PDE4B: variants seen among roughly 807,000 people sequenced by gnomAD.
PDE4B encodes the protein 3',5'-cyclic-AMP phosphodiesterase 4B.
A neutral mutation model predicts 82.2 loss-of-function variants in PDE4B; 20 were observed. The ratio of observed to expected loss-of-function variants is 0.24; its 90% CI spans 0.17 to 0.35. PDE4B has a LOEUF of 0.35. Among genes scored for constraint, PDE4B ranks in the 10% least tolerant of loss-of-function variants. The probability of loss-of-function intolerance (pLI) is 1.00; values close to 1 mark genes in which losing one functional copy is unlikely to be tolerated. For missense variants in PDE4B, 655 were observed against 907.2 expected (o/e 0.72, Z 3.57); for synonymous variants, 320 against 318.9 (o/e 1.00, Z -0.04).
In PDE4B at chr1:66,358,440, C is replaced by T. The variant is rs190100267; in HGVS notation, c.841+2820C>T. Reference sequence around the variant, plus strand: ...CTGTAATCCCAGCACGTTCAGAGGCCGAGATGGGCAGATCACCTGAGGTCA... The same window carrying T: ...CTGTAATCCCAGCACGTTCAGAGGCTGAGATGGGCAGATCACCTGAGGTCA... On this transcript the variant is annotated intron_variant, in intron 9 of 16. Transcript: ENST00000341517. Among the ~76,000 whole-genome samples, 208 of 152,160 alleles carry T rather than the reference C, an allele frequency of 1.4e-3. 3 individuals are homozygous for T. In the South Asian group the frequency reaches 0.019, roughly 14 times the overall value.
rs57275063 is a variant in PDE4B at position 65,928,876 on chromosome 1, A to G, written c.281+10041A>G. Among the ~76,000 whole-genome samples the G allele has an allele frequency of 3.1e-3, 471 of 152,300 alleles. 20 individuals carry two copies. In the East Asian group the frequency reaches 0.069, roughly 22 times the overall value. On this transcript the variant is annotated intron_variant, in intron 3 of 16. Coordinates refer to ENST00000341517, the MANE Select transcript of PDE4B (RefSeq NM_002600.4). ...CAAATAAACTATTAGAACATTTTTT[A>G]ACTCACCAAGCTGCAACATTAGAAG...
intron 3 of PDE4B, among the ~76,000 whole-genome samples, chr1:66,085,202 T>C (rs765552698): frequency 6.6e-6 from 1 of 152,110 alleles, no homozygotes; most frequent in Non-Finnish European, 1.5e-5. Flanking sequence ...CAGCTGCGGG[T>C]TTAACAACCT....
intron 3 of PDE4B, among the ~76,000 whole-genome samples, chr1:66,230,643 A>G (rs538498472): frequency 4.6e-5 from 7 of 152,372 alleles, no homozygotes; most frequent in Admixed American, 6.5e-5. Context: ...CTTTAAACAG[A>G]CAAAACAGAA....
At chr1:65,906,351 C>T (rs1647027873) in intron 1 of PDE4B, among the ~76,000 whole-genome samples, 1 of 152,102 alleles carries the variant, frequency 6.6e-6, no homozygotes, top group Non-Finnish European at 1.5e-5. Flanking sequence ...GATGAAAACT[C>T]TCAGGTGTGG....
At chr1:66,060,341 A>G (rs1655520882) in intron 3 of PDE4B, among the ~76,000 whole-genome samples, 1 of 152,188 alleles carries the variant, frequency 6.6e-6, no homozygotes, top group East Asian at 1.9e-4. Context: ...CTTGCTGTAA[A>G]ATTCTTCCCA....
chr1:66,056,991 G>A (rs1043024335), intron 3 of PDE4B, among the ~76,000 whole-genome samples: 5 of 152,100 alleles, frequency 3.3e-5, no homozygotes, highest in Non-Finnish European at 7.4e-5. Flanking sequence ...ACTAATACAT[G>A]TGTACATTTC....
At chr1:66,050,324 C>A (rs114501640) in intron 3 of PDE4B, among the ~76,000 whole-genome samples, 1,767 of 152,000 alleles carry the variant, frequency 0.012, 38 homozygotes, top group African/African-American at 0.041. Flanking sequence ...ATTGTTGTAA[C>A]CATGACATTA....
intron 1 of PDE4B, among the ~76,000 whole-genome samples, chr1:65,895,178 A>G (rs1030434113): frequency 5.3e-5 from 8 of 152,164 alleles, no homozygotes; most frequent in African/African-American, 1.7e-4. Flanking sequence ...AGTTTTAACA[A>G]TGTTAGAGAA....
intron 3 of PDE4B, among the ~76,000 whole-genome samples, chr1:66,167,839 G>A (rs1315355203): frequency 7.0e-4 from 106 of 152,002 alleles, no homozygotes. Context: ...GATCATCTTT[G>A]CTAATTTTAT....
intron 1 of PDE4B, among the ~76,000 whole-genome samples, chr1:65,827,400 C>G (rs895370458): frequency 6.6e-6 from 1 of 151,956 alleles, no homozygotes; most frequent in Non-Finnish European, 1.5e-5. Context: ...AAAAGTTAGA[C>G]AACATGTAAT....
intron 3 of PDE4B, among the ~76,000 whole-genome samples, chr1:66,033,127 GA>G (rs1240721441): frequency 2.6e-5 from 4 of 152,040 alleles, no homozygotes; most frequent in Admixed American, 6.6e-5. Flanking sequence ...ATTAATAACA[GA>G]AAAAAAGAAA....
In PDE4B at chr1:65,854,373, T is replaced by G. The variant is rs533888477; in HGVS notation, c.-70-58872T>G. The stretch of plus-strand genomic sequence containing the variant: ...TCTTTTTTTGTGGACTCATTTTCAT[T>G]GATTCTTTTCTTTCTGTTTGAAGAA... On this transcript the variant is annotated intron_variant, in intron 1 of 16. Coordinates refer to ENST00000341517, the MANE Select transcript of PDE4B (RefSeq NM_002600.4). Among the ~76,000 whole-genome samples, 5 of 152,078 alleles carry G rather than the reference T, an allele frequency of 3.3e-5. No homozygotes were observed. In the East Asian group the frequency reaches 9.6e-4, roughly 29 times the overall value.
chr1:66,000,463 A>G (rs1022852331), intron 3 of PDE4B, among the ~76,000 whole-genome samples: 2 of 152,154 alleles, frequency 1.3e-5, no homozygotes, highest in Non-Finnish European at 2.9e-5. Flanking sequence ...TAACCCTTGT[A>G]CTCTAGAAAA....
rs572502290 is a variant in PDE4B at position 66,037,307 on chromosome 1, G to GT, written c.281+118476dup. 1.5e-3 allele frequency among the ~76,000 whole-genome samples: 228 copies of GT among 152,074 alleles called. No individual in the cohort carries two copies. The Middle Eastern group carries it at 0.034, about 23-fold the overall frequency. ...TTTCATTTGTCATCAATGTTTTATA[G>GT]TTTTCAGTGTAGAGATCTTTCACTT... On this transcript the variant is annotated intron_variant, in intron 3 of 16. Coordinates refer to ENST00000341517, the MANE Select transcript of PDE4B (RefSeq NM_002600.4).
At chr1:66,199,459 T>A (rs1648672372) in intron 3 of PDE4B, among the ~76,000 whole-genome samples, 1 of 151,992 alleles carries the variant, frequency 6.6e-6, no homozygotes. Flanking sequence ...TTGTTTTGTT[T>A]GTTTGTTTGT....
intron 6 of PDE4B, 60 bp from the exon 7 acceptor site, chr1:66,265,978 G>T: frequency 8.1e-7 from 1 of 1,240,472 alleles, no homozygotes; most frequent in Non-Finnish European, 1.2e-6. Flanking sequence ...GTGGGGTGTC[G>T]GGGGTGGAAT....
chr1:66,077,444 A>AT (rs1656493885), intron 3 of PDE4B, among the ~76,000 whole-genome samples: 2 of 152,108 alleles, frequency 1.3e-5, no homozygotes, highest in Non-Finnish European at 2.9e-5. Context: ...TACTTTGGTT[A>AT]TTTATTTATG....
intron 3 of PDE4B, among the ~76,000 whole-genome samples, chr1:65,953,120 C>T (rs752620412): frequency 6.6e-6 from 1 of 152,036 alleles, no homozygotes; most frequent in Non-Finnish European, 1.5e-5. Context: ...TTCCACTGTC[C>T]AAATTCTAAC....
At chr1:65,957,513 G>T (rs1327770839) in intron 3 of PDE4B, among the ~76,000 whole-genome samples, 1 of 152,034 alleles carries the variant, frequency 6.6e-6, no homozygotes, top group African/African-American at 2.4e-5. Flanking sequence ...TTCAGAAATG[G>T]TGAGTTCTTC....
Sources: gnomAD v4.1 joint callset for allele counts (sites outside exome capture counted in the v4.1 genomes callset) on GRCh38, gnomAD v4.1.1 for gene constraint, MANE v1.5 for transcripts, NCBI Gene and HGNC (gene_info 2026-07-23, HGNC 2026-07-21) for gene names.